Variants in GDA observed in about 807,000 individuals in gnomAD.
The protein encoded by GDA is guanine deaminase, also known as cytoplasmic PSD-95 interactor.
Under a neutral mutation model 59.6 loss-of-function variants are expected in GDA, and 18 were observed. The observed-to-expected ratio is 0.30, with a 90% CI of 0.21 to 0.45. The LOEUF (loss-of-function observed/expected upper bound fraction) is 0.45, where lower values mean the gene tolerates loss of function less well. Among genes scored for constraint, GDA ranks in the 20% least tolerant of loss-of-function variants. The pLI, the probability that GDA is intolerant of heterozygous loss-of-function variation, is 1.00. For synonymous variants in GDA, 201 were observed against 201.1 expected, an observed-to-expected ratio of 1.00 and a Z score of 0.00; for missense variants, 427 against 552.3, an observed-to-expected ratio of 0.77 and a Z score of 2.27.
At chr9:72,179,999 T>C (rs1345173444) in intron 1 of GDA, among the ~76,000 whole-genome samples, 5 of 151,136 alleles carry the variant, frequency 3.3e-5, no homozygotes, top group Admixed American at 3.3e-4. Context: ...GACTGTAACA[T>C]ATTAAATTGG....
intron 2 of GDA, among the ~76,000 whole-genome samples, chr9:72,201,362 T>G (rs1321877348): frequency 1.3e-5 from 2 of 152,152 alleles, no homozygotes; most frequent in East Asian, 3.8e-4. Flanking sequence ...AATGTACATA[T>G]TCAGGAAACA....
Position 72,149,592 on chromosome 9 carries a change from C to T in GDA, c.33C>T (p.His11=). MCAAQMPPLA[H]IFRGTFVHST... is the part of the protein sequence containing the mutation. ...CCGCTCAGATGCCGCCCCTGGCGCACATCTTCCGAGGGACGTTCGTCCACT... is the reference window on the plus strand; with the variant it reads ...CCGCTCAGATGCCGCCCCTGGCGCATATCTTCCGAGGGACGTTCGTCCACT... Residue 11 remains histidine, a synonymous_variant, in exon 1 of 14, where the codon CAC becomes CAT. Coordinates refer to ENST00000358399, the MANE Select transcript of GDA (RefSeq NM_004293.5). 6.2e-7 allele frequency: 1 copy of T among 1,611,568 alleles called. No homozygotes were observed. Among genetic ancestry groups the T allele is most frequent in the Non-Finnish European group, 8.5e-7 (1 of 1,179,100 alleles).
chr9:72,180,373 A>T (rs1587506138), intron 1 of GDA, among the ~76,000 whole-genome samples: 1 of 152,168 alleles, frequency 6.6e-6, no homozygotes, highest in Middle Eastern at 3.4e-3. Context: ...AATAAAAATA[A>T]CAAAGGCCCA....
chr9:72,205,486 C>A (rs957202434), intron 3 of GDA, among the ~76,000 whole-genome samples: 1 of 152,122 alleles, frequency 6.6e-6, no homozygotes. Flanking sequence ...GAGCAAAGAA[C>A]GATTCCAGAA....
At position 72,251,086 on chromosome 9, in the gene GDA, C is replaced by G. The variant is rs1406222504; in HGVS notation, c.*2744C>G. The G allele has an allele frequency of 2.1e-5, 9 of 425,730 alleles. No homozygotes were observed. In the East Asian group the frequency reaches 3.1e-4, roughly 15 times the overall value. The allele number at this position is 425,730 out of a possible 1,614,324, so 26.4% of individuals were successfully genotyped here. A position where few individuals can be genotyped will look rare whatever the true frequency, so the allele number is the denominator to read the frequency against. ...CCAAGAGGAGATATTGGAACAGGCTCCCTTCATGCCAAGGGTCTTTCTAAG... is the reference window on the plus strand; with the variant it reads ...CCAAGAGGAGATATTGGAACAGGCTGCCTTCATGCCAAGGGTCTTTCTAAG... On this transcript the variant is annotated 3_prime_UTR_variant, in exon 14 of 14. Coordinates refer to ENST00000358399, the MANE Select transcript of GDA (RefSeq NM_004293.5).
chr9:72,213,610 T>C (rs1478803106), intron 4 of GDA, among the ~76,000 whole-genome samples: 1 of 151,676 alleles, frequency 6.6e-6, no homozygotes, highest in Non-Finnish European at 1.5e-5. Flanking sequence ...GAGACCATCT[T>C]GGCTAACACG....
intron 2 of GDA, among the ~76,000 whole-genome samples, chr9:72,199,100 G>A (rs1833609187): frequency 6.6e-6 from 1 of 152,086 alleles, no homozygotes; most frequent in Non-Finnish European, 1.5e-5. Context: ...AAGTGATGTT[G>A]TGAGTGGAGA....
At chr9:72,147,622 T>G (rs1826707184), upstream of GDA, among the ~76,000 whole-genome samples, 1 of 152,238 alleles carries the variant, frequency 6.6e-6, no homozygotes, top group African/African-American at 2.4e-5. Flanking sequence ...CTCTATTTTT[T>G]TTTTTTGACA....
At chr9:72,239,673 G>A (rs1252401508) in intron 10 of GDA, among the ~76,000 whole-genome samples, 1 of 152,114 alleles carries the variant, frequency 6.6e-6, no homozygotes, top group African/African-American at 2.4e-5. Context: ...CTATTTCAAA[G>A]CTTAATGTGT....
chr9:72,214,340 G>A (rs368579070), intron 5 of GDA, among the ~76,000 whole-genome samples: 5 of 150,838 alleles, frequency 3.3e-5, no homozygotes, highest in African/African-American at 7.3e-5. Context: ...GTGCAATGGC[G>A]TGGTCTCAGC....
chr9:72,128,067 G>A (rs1825904907), intron 1 of GDA, among the ~76,000 whole-genome samples: 2 of 152,216 alleles, frequency 1.3e-5, no homozygotes, highest in African/African-American at 4.8e-5. Flanking sequence ...CTGTTTACTG[G>A]ATTTTGTTGT....
At chr9:72,205,782 A>G (rs1255388880) in intron 3 of GDA, among the ~76,000 whole-genome samples, 1 of 152,192 alleles carries the variant, frequency 6.6e-6, no homozygotes, top group Non-Finnish European at 1.5e-5. Flanking sequence ...ATAAACTCAA[A>G]GTTGAGAAGC....
intron 10 of GDA, among the ~76,000 whole-genome samples, 197 bp downstream of exon 10, chr9:72,231,378 C>T (rs552811999): frequency 4.7e-4 from 71 of 151,904 alleles, no homozygotes; most frequent in African/African-American, 1.7e-3. Flanking sequence ...AGTTCAAGAC[C>T]AGCCTGGGAA....
At chr9:72,214,454 C>T (rs988533036) in intron 5 of GDA, among the ~76,000 whole-genome samples, 3 of 152,004 alleles carry the variant, frequency 2.0e-5, no homozygotes, top group Non-Finnish European at 2.9e-5. Context: ...TGCCACCACA[C>T]TCAGCTAATT....
At chr9:72,133,011 C>T (rs1254377359) in intron 1 of GDA, among the ~76,000 whole-genome samples, 1 of 151,954 alleles carries the variant, frequency 6.6e-6, no homozygotes, top group Non-Finnish European at 1.5e-5. Flanking sequence ...TTTTAGTTGG[C>T]CAGGTGCAGT....
chr9:72,243,004 C>G (rs1839789196), intron 11 of GDA, among the ~76,000 whole-genome samples: 1 of 152,134 alleles, frequency 6.6e-6, no homozygotes, highest in African/African-American at 2.4e-5. Flanking sequence ...TTCTGGGTCA[C>G]TGGGCTTACT....
At chr9:72,118,273 CAAAAAAAAAAAAA>C (rs373179585) in intron 1 of GDA, among the ~76,000 whole-genome samples, 299 of 66,160 alleles carry the variant, frequency 4.5e-3, no homozygotes, top group Non-Finnish European at 6.6e-3. Context: ...GACTCCACCT[CAAAAAAAAAAAAA>C]AAAAAAAAAA....
downstream of GDA, among the ~76,000 whole-genome samples, chr9:72,252,675 G>A (rs964378032): frequency 2.6e-5 from 4 of 152,120 alleles, no homozygotes; most frequent in Non-Finnish European, 4.4e-5. Flanking sequence ...TTATGGTGCT[G>A]ATGATTCCCC....
At chr9:72,223,074 T>G in intron 6 of GDA, 46 bp from the exon 7 acceptor site, 2 of 944,510 alleles carry the variant, frequency 2.1e-6, no homozygotes, top group Non-Finnish European at 3.4e-6. Context: ...TTAATTTTTG[T>G]ATATGATGTA....
Sources: allele counts gnomAD v4.1 joint callset (sites outside exome capture counted in the v4.1 genomes callset), GRCh38; gene constraint gnomAD v4.1.1; transcripts MANE v1.5; gene names NCBI Gene and HGNC (gene_info 2026-07-23, HGNC 2026-07-21).